Variants in TSPEAR observed in about 807,000 individuals in gnomAD.
TSPEAR encodes thrombospondin type laminin G domain and EAR repeats, also known as thrombospondin-type laminin G domain and EAR repeat-containing protein.
A neutral mutation model predicts 71.6 loss-of-function variants in TSPEAR; 69 were observed. The ratio of observed to expected loss-of-function variants is 0.96; its 90% CI spans 0.79 to 1.18. TSPEAR has a LOEUF of 1.18. Among genes scored for constraint, TSPEAR ranks in the 50% most tolerant of loss-of-function variants. TSPEAR has a pLI of 0.00. For missense variants in TSPEAR, 971 were observed against 894.9 expected, an observed-to-expected ratio of 1.09 and a Z score of -1.09; for synonymous variants, 402 against 387.2, an observed-to-expected ratio of 1.04 and a Z score of -0.45.
chr21:44,514,296 TC>T (rs2145936799), intron 9 of TSPEAR, among the ~76,000 whole-genome samples: 1 of 152,270 alleles, frequency 6.6e-6, no homozygotes, highest in South Asian at 2.1e-4. Context: ...CGGGCACCTG[TC>T]CCCAGAGTGG....
intron 1 of TSPEAR, chr21:44,697,269 G>C: frequency 5.0e-6 from 8 of 1,614,054 alleles, no homozygotes; most frequent in Non-Finnish European, 6.8e-6. Context: ...TGTGACTCTT[G>C]CTCCGACTCC....
rs782571305 is a variant in TSPEAR at position 44,531,092 on chromosome 21, C to G, written c.584G>C (p.Gly195Ala). 2.5e-6 allele frequency: 4 copies of G among 1,613,776 alleles called. No individual in the cohort carries two copies. Among genetic ancestry groups the G allele is most frequent in the Non-Finnish European group, 3.4e-6 (4 of 1,179,966 alleles). Residue 195 changes from glycine to alanine, a missense_variant, in exon 4 of 12, where the codon GGA (glycine) becomes GCA (alanine). Transcript: ENST00000323084. ...CCGGCTGCCGACGAAGAATCGAGCT[C>G]CTTTCACTGACAGGGTGGCTGGGAA... The part of the protein sequence containing the change: ...VPFPATLSVK[G>A]ARFFVGSRRR...
At chr21:44,706,417 A>G (rs1555952376) in intron 1 of TSPEAR, among the ~76,000 whole-genome samples, 2 of 150,924 alleles carry the variant, frequency 1.3e-5, no homozygotes, top group African/African-American at 2.4e-5. Flanking sequence ...CCATGCACAC[A>G]CACGCGCGCA....
chr21:44,626,193 CAAT>C (rs1982765860), intron 1 of TSPEAR, among the ~76,000 whole-genome samples: 1 of 152,210 alleles, frequency 6.6e-6, no homozygotes, highest in Non-Finnish European at 1.5e-5. Flanking sequence ...AAATCACAAT[CAAT>C]ATTATAATTA....
At chr21:44,608,825 C>A (rs1189186395) in intron 1 of TSPEAR, among the ~76,000 whole-genome samples, 1 of 152,154 alleles carries the variant, frequency 6.6e-6, no homozygotes, top group Non-Finnish European at 1.5e-5. Context: ...ATATGCTAAG[C>A]CAACATATGC....
rs147349847 is a variant in TSPEAR, at chr21:44,576,346, G to A, written c.83-8341C>T. Reference sequence around the variant, plus strand: ...CTCATGGGTGAACAGACACACGGACGTCCCAGGGTGGGTGAGGGGGCAAAC... The same window carrying A: ...CTCATGGGTGAACAGACACACGGACATCCCAGGGTGGGTGAGGGGGCAAAC... On this transcript the variant is annotated intron_variant, in intron 1 of 11. Transcript: ENST00000323084. 9.6e-3 allele frequency among the ~76,000 whole-genome samples: 1,440 copies of A among 149,418 alleles called. 25 individuals carry two copies. The highest frequency in any genetic ancestry group is 0.034 in the African/African-American group (1,370 of 40,302).
intron 1 of TSPEAR, chr21:44,654,790 T>C: frequency 1.7e-6 from 1 of 585,258 alleles, no homozygotes; most frequent in South Asian, 2.3e-5. Context: ...GTTTTTCTGT[T>C]GAGGTTACTC....
chr21:44,676,550 G>C lies in TSPEAR; in HGVS notation c.82+34883C>G. 5 of 734,960 alleles carry C rather than the reference G, an allele frequency of 6.8e-6. No individual in the cohort carries two copies. The South Asian group carries it at 7.5e-5, about 11-fold the overall frequency. 45.5% of individuals were successfully genotyped at this position (734,960 alleles called of 1,614,324 possible). On this transcript the variant is annotated intron_variant, in intron 1 of 11. Transcript: ENST00000323084. ...ATATCCAGAGTAAAGTTGTGAACTT[G>C]CTCTTGACTTAGATGATGAAACTGT...
chr21:44,637,683 C>A, intron 1 of TSPEAR: 2 of 1,542,010 alleles, frequency 1.3e-6, no homozygotes, highest in South Asian at 2.3e-5. Flanking sequence ...ACCTCCTCCC[C>A]CTGCCAGCAG....
At chr21:44,637,811 T>G (rs781991923) in intron 1 of TSPEAR, 1 of 1,368,730 alleles carries the variant, frequency 7.3e-7, no homozygotes, top group South Asian at 1.3e-5. Context: ...GCAGTCTAGC[T>G]GCCAGCCAAC....
At chr21:44,558,572 G>A (rs1196643655) in intron 2 of TSPEAR, 1 of 1,612,276 alleles carries the variant, frequency 6.2e-7, no homozygotes, top group Non-Finnish European at 8.5e-7. Context: ...AGCTCACTGG[G>A]GTGCAGACCA....
At chr21:44,515,748 GTTTTTC>G in intron 9 of TSPEAR, 1 of 152,230 alleles carries the variant, frequency 6.6e-6, no homozygotes, top group Non-Finnish European at 1.5e-5. Context: ...GAAGCCCCGT[GTTTTTC>G]GGTAACCACG....
At chr21:44,640,308 G>A (rs1983952790) in intron 1 of TSPEAR, among the ~76,000 whole-genome samples, 1 of 152,232 alleles carries the variant, frequency 6.6e-6, no homozygotes, top group African/African-American at 2.4e-5. Flanking sequence ...ACATGTGGTG[G>A]GATTCTATTT....
At chr21:44,597,437 C>CTTTTTTTT (rs56129761) in intron 1 of TSPEAR, among the ~76,000 whole-genome samples, 46 of 119,148 alleles carry the variant, frequency 3.9e-4, no homozygotes, top group South Asian at 9.4e-4. Context: ...TCTTTCTTTT[C>CTTTTTTTT]TTTTTTTTTT....
chr21:44,526,396 A>G (rs1375104576), intron 7 of TSPEAR, among the ~76,000 whole-genome samples: 1 of 152,220 alleles, frequency 6.6e-6, no homozygotes, highest in African/African-American at 2.4e-5. Flanking sequence ...ATGATGGAAC[A>G]AAATATTGTC....
intron 1 of TSPEAR, chr21:44,654,321 G>A (rs1555942057): frequency 1.5e-5 from 24 of 1,614,078 alleles, no homozygotes; most frequent in Non-Finnish European, 1.9e-5. Flanking sequence ...TATAGACCAG[G>A]GTGGGGCAGA....
At chr21:44,523,793 TAGTCAGTCAGTC>T (rs61723663) in intron 8 of TSPEAR, among the ~76,000 whole-genome samples, 2 of 150,470 alleles carry the variant, frequency 1.3e-5, no homozygotes, top group Admixed American at 6.6e-5. Flanking sequence ...GTCAGTGAGG[TAGTCAGTCAGTC>T]AGTCAGTCAG....
At chr21:44,580,497 C>T in intron 1 of TSPEAR, 2 of 1,613,520 alleles carry the variant, frequency 1.2e-6, no homozygotes, top group Non-Finnish European at 1.7e-6. Flanking sequence ...CAGGGGGGCT[C>T]ACAGCAGCTC....
chr21:44,701,479 A>G (rs74330477), intron 1 of TSPEAR, among the ~76,000 whole-genome samples: 1,761 of 152,300 alleles, frequency 0.012, 31 homozygotes, highest in African/African-American at 0.04. Context: ...ATTACATTGT[A>G]ATTTATAACG....
Sources: allele counts gnomAD v4.1 joint callset (sites outside exome capture counted in the v4.1 genomes callset), GRCh38; gene constraint gnomAD v4.1.1; transcripts MANE v1.5; gene names NCBI Gene and HGNC (gene_info 2026-07-23, HGNC 2026-07-21).